Variants in CAMTA1 observed in about 807,000 individuals in gnomAD.
The protein encoded by CAMTA1 is calmodulin-binding transcription activator 1.
Under a neutral mutation model 170.9 loss-of-function variants are expected in CAMTA1, and 27 were observed. That is an observed-to-expected ratio of 0.16 (90% CI 0.12 to 0.22). The LOEUF is 0.22. CAMTA1 is among the 10% of genes least tolerant of loss of function. The probability of loss-of-function intolerance (pLI) is 1.00; values close to 1 mark genes in which losing one functional copy is unlikely to be tolerated. For synonymous variants in CAMTA1, 833 were observed against 891.5 expected, an observed-to-expected ratio of 0.93 and a Z score of 1.17; for missense variants, 1,619 against 2,217.2, an observed-to-expected ratio of 0.73 and a Z score of 5.42.
At chr1:7,572,029 TTC>T (rs1489162459) in intron 6 of CAMTA1, among the ~76,000 whole-genome samples, 2 of 152,330 alleles carry the variant, frequency 1.3e-5, no homozygotes, top group East Asian at 3.9e-4. Flanking sequence ...ATAATAGGCA[TTC>T]TGATTCCTGT....
intron 3 of CAMTA1, among the ~76,000 whole-genome samples, chr1:6,951,540 T>C (rs1446815238): frequency 1.3e-5 from 2 of 152,144 alleles, no homozygotes; most frequent in Non-Finnish European, 2.9e-5. Context: ...ATAAGAAGCG[T>C]CTTTATCCCC....
chr1:7,242,166 T>G (rs777797423), intron 4 of CAMTA1, among the ~76,000 whole-genome samples: 2 of 152,222 alleles, frequency 1.3e-5, no homozygotes, highest in Non-Finnish European at 2.9e-5. Context: ...AATGTCTATC[T>G]GAATGGCTAA....
chr1:6,870,402 G>T (rs1668071018), intron 3 of CAMTA1, among the ~76,000 whole-genome samples: 1 of 152,070 alleles, frequency 6.6e-6, no homozygotes, highest in South Asian at 2.1e-4. Context: ...CTAACACTCG[G>T]ACCGAGTGCA....
chr1:7,419,548 C>G (rs542916095), intron 5 of CAMTA1, among the ~76,000 whole-genome samples: 1 of 152,310 alleles, frequency 6.6e-6, no homozygotes, highest in Non-Finnish European at 1.5e-5. Flanking sequence ...TGAGCTCACT[C>G]AGTCTCGTGG....
intron 3 of CAMTA1, among the ~76,000 whole-genome samples, chr1:7,013,192 C>T (rs1021501636): frequency 6.6e-6 from 1 of 150,784 alleles, no homozygotes; most frequent in Non-Finnish European, 1.5e-5. Context: ...TCTCCAGGCC[C>T]TGCCTTTGCC....
rs547886871 is a variant in CAMTA1 at position 7,004,915 on chromosome 1, A to G, written c.235-86389A>G. 8.2e-4 allele frequency among the ~76,000 whole-genome samples: 125 copies of G among 152,256 alleles called. 2 individuals carry two copies. In the East Asian group the frequency reaches 0.017, roughly 21 times the overall value. ...CCTGAATAGCTGGGATTACAGGCAC[A>G]TGCCATCACACCCGGCTAATTTTTT... On this transcript the variant is annotated intron_variant, in intron 3 of 22. Transcript: ENST00000303635.
At position 7,010,898 on chromosome 1, in the gene CAMTA1, A is replaced by C. The variant is rs1463424063; in HGVS notation, c.235-80406A>C. Among the ~76,000 whole-genome samples, 1 of 152,218 alleles carries C rather than the reference A, an allele frequency of 6.6e-6. No individual in the cohort carries two copies. The highest frequency in any genetic ancestry group is 1.5e-5 in the Non-Finnish European group (1 of 68,034). On this transcript the variant is annotated intron_variant, in intron 3 of 22. Coordinates refer to ENST00000303635, the MANE Select transcript of CAMTA1 (RefSeq NM_015215.4). This position sits in a 1 kb window ranked among gnomAD's most constrained non-coding sequence, Gnocchi z 4.4. ...CACCTGGGACCTAAGCAGGTGCCCT[A>C]ACCAGCAGCAGCTGAGCACTGAGCC...
In CAMTA1 at chr1:7,650,693, G is replaced by A. The variant is rs552696804; in HGVS notation, c.664+10140G>A. On this transcript the variant is annotated intron_variant, in intron 7 of 22. Transcript: ENST00000303635. ...ACACGGTGGGCGCACACTCCATCCC[G>A]TCCCCCCTCAGCCTCTGCGCTCCTC... Among the ~76,000 whole-genome samples, 239 of 147,956 alleles carry A rather than the reference G, an allele frequency of 1.6e-3. 1 individual carries two copies. Among genetic ancestry groups the A allele is most frequent in the South Asian group, 8.6e-3 (38 of 4,440 alleles).
At chr1:7,166,761 T>G (rs1017497908) in intron 4 of CAMTA1, among the ~76,000 whole-genome samples, 1 of 152,134 alleles carries the variant, frequency 6.6e-6, no homozygotes, top group Non-Finnish European at 1.5e-5. Flanking sequence ...TTTAAGAAAG[T>G]GTTCCTAATG....
In CAMTA1 at chr1:7,385,536, C is replaced by T. The variant is rs113031504; in HGVS notation, c.439-82294C>T. Among the ~76,000 whole-genome samples the T allele has an allele frequency of 3.8e-4, 58 of 152,250 alleles. 3 individuals are homozygous for T. The highest frequency in any genetic ancestry group is 1.3e-3 in the African/African-American group (54 of 41,554). On this transcript the variant is annotated intron_variant, in intron 5 of 22. Transcript: ENST00000303635. ...GGGCCAGTGTTTGAAGTGATGGGAGCCAGACAGGCCAGGGAAGGGCCCTTA... is the reference window on the plus strand; with the variant it reads ...GGGCCAGTGTTTGAAGTGATGGGAGTCAGACAGGCCAGGGAAGGGCCCTTA...
intron 6 of CAMTA1, among the ~76,000 whole-genome samples, chr1:7,516,909 A>C (rs377115537): frequency 7.6e-4 from 115 of 152,316 alleles, no homozygotes; most frequent in African/African-American, 2.4e-3. Context: ...TCTCATTATG[A>C]AAATAATCCA....
intron 3 of CAMTA1, among the ~76,000 whole-genome samples, chr1:6,897,592 C>T (rs1317676746): frequency 3.4e-5 from 5 of 145,432 alleles, no homozygotes; most frequent in African/African-American, 5.1e-5. Context: ...CCTACCTGGT[C>T]GGTACTCCTG....
At chr1:7,670,707 T>C (rs1472967029) in intron 9 of CAMTA1, among the ~76,000 whole-genome samples, 2 of 152,158 alleles carry the variant, frequency 1.3e-5, no homozygotes, top group Non-Finnish European at 2.9e-5. Flanking sequence ...AGGAGCGCCT[T>C]GGGCTCTCCT....
chr1:7,550,860 C>G (rs1375829676), intron 6 of CAMTA1, among the ~76,000 whole-genome samples: 1 of 151,564 alleles, frequency 6.6e-6, no homozygotes, highest in African/African-American at 2.4e-5. Context: ...CCAGCTGACC[C>G]TCTCTCACCT....
intron 1 of CAMTA1, among the ~76,000 whole-genome samples, chr1:6,815,836 T>A (rs552594895): frequency 6.6e-6 from 1 of 152,328 alleles, no homozygotes; most frequent in African/African-American, 2.4e-5. Context: ...GACCTGTGAA[T>A]CAGAACTTGC....
At chr1:7,428,718 A>G (rs1557698233) in intron 5 of CAMTA1, among the ~76,000 whole-genome samples, 1 of 151,982 alleles carries the variant, frequency 6.6e-6, no homozygotes, top group East Asian at 1.9e-4. Context: ...TCACTCCTTC[A>G]AAGCCATGAC....
intron 3 of CAMTA1, among the ~76,000 whole-genome samples, chr1:7,006,039 G>A (rs192970121): frequency 1.3e-5 from 2 of 152,294 alleles, no homozygotes; most frequent in African/African-American, 2.4e-5. Context: ...TGGGTGTGGA[G>A]CATTTGGAAG....
intron 2 of CAMTA1, among the ~76,000 whole-genome samples, chr1:6,822,595 T>C (rs1332215123): frequency 1.3e-5 from 2 of 152,150 alleles, no homozygotes; most frequent in African/African-American, 4.8e-5. Context: ...TGGCCAGTCA[T>C]ATTCCTGTTC....
intron 10 of CAMTA1, among the ~76,000 whole-genome samples, chr1:7,675,774 G>A (rs2096113031): frequency 6.6e-6 from 1 of 152,140 alleles, no homozygotes; most frequent in South Asian, 2.1e-4. Context: ...ACTTGCTGAT[G>A]GACTGCATGA....
Sources: gnomAD v4.1 joint callset for allele counts (sites outside exome capture counted in the v4.1 genomes callset) on GRCh38, gnomAD v4.1.1 for gene constraint, Gnocchi (gnomAD v3.1) non-coding constraint, MANE v1.5 for transcripts, NCBI Gene and HGNC (gene_info 2026-07-23, HGNC 2026-07-21) for gene names.